TXN: variants seen among roughly 807,000 people sequenced by gnomAD.
TXN encodes thioredoxin, also known as ADF.
TXN carries 10 observed loss-of-function variants against 16.5 expected under a neutral mutation model. The observed-to-expected ratio is 0.61, with a 90% CI of 0.37 to 1.03. The LOEUF is 1.03. TXN is among the 50% of genes least tolerant of loss of function. The pLI is 0.01. For missense variants in TXN, 71 were observed against 122.5 expected, an observed-to-expected ratio of 0.58 and a Z score of 1.98; for synonymous variants, 35 against 39.4, an observed-to-expected ratio of 0.89 and a Z score of 0.42.
chr9:110,254,421 C>T (rs1009711534), intron 1 of TXN, among the ~76,000 whole-genome samples: 24 of 152,196 alleles, frequency 1.6e-4, no homozygotes, highest in African/African-American at 5.8e-4. Context: ...GTGCAGGAGG[C>T]TGAGGCAAGA....
At chr9:110,245,650 A>AT (rs1230575444) in intron 3 of TXN, among the ~76,000 whole-genome samples, 26 of 24,632 alleles carry the variant, frequency 1.1e-3, no homozygotes, top group African/African-American at 3.8e-3. Flanking sequence ...ATATATATAT[A>AT]TATATTTTTT....
Position 110,256,504 on chromosome 9 carries a change from C to T in TXN, c.-69G>A, listed in dbSNP as rs1029517992. ...AATGGATCCAAAGCACCAAACAGAG[C>T]TTCAAGACTCGCTGCTTGCTCTCTC... On this transcript the variant is annotated 5_prime_UTR_variant, in exon 1 of 5. Coordinates refer to ENST00000374517, the MANE Select transcript of TXN (RefSeq NM_003329.4). The surrounding 1 kb of genome is among the most constrained non-coding windows in gnomAD (Gnocchi z 4.2). 2.2e-5 allele frequency: 34 copies of T among 1,524,448 alleles called. No individual in the cohort carries two copies. The highest frequency in any genetic ancestry group is 1.7e-4 in the Middle Eastern group (1 of 5,932). 94.4% of individuals were successfully genotyped at this position (1,524,448 alleles called of 1,614,324 possible).
At chr9:110,245,987 C>T (rs549847976) in intron 3 of TXN, among the ~76,000 whole-genome samples, 2 of 151,974 alleles carry the variant, frequency 1.3e-5, no homozygotes, top group South Asian at 4.1e-4. Context: ...ATTGCTTGAA[C>T]CTGGGAGGCG....
At position 110,256,324 on chromosome 9, in the gene TXN, C is replaced by T; in HGVS notation, c.24+88G>A. 7.1e-7 allele frequency: 1 copy of T among 1,403,470 alleles called. No individual in the cohort carries two copies. The highest frequency in any genetic ancestry group is 9.8e-7 in the Non-Finnish European group (1 of 1,020,622). 86.9% of individuals were successfully genotyped at this position (1,403,470 alleles called of 1,614,324 possible). ...GGGGCGGCCTCCGCACCTCCCGCCA[C>T]CGCCTTCCCCACCTCCCGCCACCGC... On this transcript the variant is annotated intron_variant, in intron 1 of 4. Coordinates refer to ENST00000374517, the MANE Select transcript of TXN (RefSeq NM_003329.4). The surrounding 1 kb of genome is among the most constrained non-coding windows in gnomAD (Gnocchi z 4.2).
intron 3 of TXN, among the ~76,000 whole-genome samples, chr9:110,249,566 G>T (rs1407869262): frequency 6.6e-6 from 1 of 152,142 alleles, no homozygotes; most frequent in Non-Finnish European, 1.5e-5. Flanking sequence ...AAGTGGAGAA[G>T]GGGTGAAGCT....
rs1321342139 is a variant in TXN at position 110,244,064 on chromosome 9, T to C, written c.*93A>G. The C allele has an allele frequency of 3.2e-6, 2 of 621,426 alleles. No individual in the cohort carries two copies. Among genetic ancestry groups the C allele is most frequent in the Non-Finnish European group, 4.9e-6 (2 of 411,772 alleles). The allele number at this position is 621,426 out of a possible 1,614,324, so 38.5% of individuals were successfully genotyped here. A position where few individuals can be genotyped will look rare whatever the true frequency, so the allele number is the denominator to read the frequency against. On this transcript the variant is annotated 3_prime_UTR_variant, in exon 5 of 5. Coordinates refer to ENST00000374517, the MANE Select transcript of TXN (RefSeq NM_003329.4). Reference sequence around the variant, plus strand: ...GTTTTATTGTCACGCAGATGGCAACTGGGTTTATGTCTTCATATTTTATAT... The same window carrying C: ...GTTTTATTGTCACGCAGATGGCAACCGGGTTTATGTCTTCATATTTTATAT...
At position 110,252,502 on chromosome 9, in the gene TXN, T is replaced by C. The variant is rs538670227; in HGVS notation, c.25-1040A>G. On this transcript the variant is annotated intron_variant, in intron 1 of 4. Coordinates refer to ENST00000374517, the MANE Select transcript of TXN (RefSeq NM_003329.4). The stretch of plus-strand genomic sequence containing the variant: ...TCATGAAGGAAATTTTTCATAGATA[T>C]TATTTTTCATAAGGAATGCTTGTTA... Among the ~76,000 whole-genome samples the C allele has an allele frequency of 3.3e-5, 5 of 152,316 alleles. No homozygotes were observed. In the East Asian group the frequency reaches 7.7e-4, roughly 23 times the overall value.
chr9:110,250,667 T>TTAG (rs1253137749), intron 3 of TXN, among the ~76,000 whole-genome samples, 153 bp downstream of exon 3: 2 of 152,224 alleles, frequency 1.3e-5, no homozygotes, highest in Admixed American at 1.3e-4. Context: ...AGGATTAAGC[T>TTAG]CCTAACTTGC....
chr9:110,252,225 A>AAAAAG (rs1837749608), intron 1 of TXN, among the ~76,000 whole-genome samples: 4 of 113,862 alleles, frequency 3.5e-5, no homozygotes, highest in Admixed American at 2.5e-4. Context: ...CTCTGTCGCA[A>AAAAAG]AAAAAAAAAA....
chr9:110,256,121 A>G lies in TXN; in HGVS notation c.24+291T>C, dbSNP rs1271920197. On this transcript the variant is annotated intron_variant, in intron 1 of 4. Transcript: ENST00000374517. The surrounding 1 kb of genome is among the most constrained non-coding windows in gnomAD (Gnocchi z 4.2). ...CCCCGGACGCTCCCCGCGTGCGTGC[A>G]ATCCCCCGAGGAACAGGGTGCGAGA... is the stretch of plus-strand genomic sequence containing the variant. 6.6e-6 allele frequency among the ~76,000 whole-genome samples: 1 copy of G among 152,034 alleles called. No homozygotes were observed. The highest frequency in any genetic ancestry group is 1.5e-5 in the Non-Finnish European group (1 of 67,944).
chr9:110,249,505 C>T lies in TXN; in HGVS notation c.189+1315G>A, dbSNP rs144581467. Among the ~76,000 whole-genome samples the T allele has an allele frequency of 3.5e-4, 53 of 152,176 alleles. No homozygotes were observed. In the Middle Eastern group the frequency reaches 0.017, roughly 49 times the overall value. On this transcript the variant is annotated intron_variant, in intron 3 of 4. Transcript: ENST00000374517. Reference sequence around the variant, plus strand: ...AATGGTAAAGGACAGACATAAAGATCATTATAATAATTGCCAAGATTCACT... The same window carrying T: ...AATGGTAAAGGACAGACATAAAGATTATTATAATAATTGCCAAGATTCACT...
chr9:110,245,602 T>TACACACACAC lies in TXN; in HGVS notation c.190-769_190-760dup, dbSNP rs1554766611. Among the ~76,000 whole-genome samples, 4 of 62,502 alleles carry TACACACACAC rather than the reference T, an allele frequency of 6.4e-5. No individual in the cohort carries two copies. In the East Asian group the frequency reaches 5.9e-3, roughly 92 times the overall value. 41.0% of individuals were successfully genotyped at this position (62,502 alleles called of 152,430 possible). A position where few individuals can be genotyped will look rare whatever the true frequency, so the allele number is the denominator to read the frequency against. On this transcript the variant is annotated intron_variant, in intron 3 of 4. Coordinates refer to ENST00000374517, the MANE Select transcript of TXN (RefSeq NM_003329.4). Reference sequence around the variant, plus strand: ...TTTTGTGTGTGTGTGTGTATATATATACACACACACACACACTATATATAT... The same window carrying TACACACACAC: ...TTTTGTGTGTGTGTGTGTATATATATACACACACACACACACACACACACACTATATATAT...
At chr9:110,250,740 A>T in intron 3 of TXN, 80 bp downstream of exon 3, 1 of 1,089,592 alleles carries the variant, frequency 9.2e-7, no homozygotes, top group Non-Finnish European at 1.4e-6. Context: ...TGACATATTT[A>T]TGGAAAAAAG....
chr9:110,245,571 G>A (rs1163266623), intron 3 of TXN, among the ~76,000 whole-genome samples: 2 of 121,484 alleles, frequency 1.6e-5, no homozygotes, highest in Non-Finnish European at 1.6e-5. Context: ...CACCACACCT[G>A]GCTAATTTTG....
At chr9:110,254,246 C>CGT (rs1488661874) in intron 1 of TXN, among the ~76,000 whole-genome samples, 1 of 152,152 alleles carries the variant, frequency 6.6e-6, no homozygotes, top group Non-Finnish European at 1.5e-5. Context: ...ACAGGCTGGG[C>CGT]GTGGTGGTTC....
chr9:110,250,890 T>A lies in TXN; in HGVS notation c.130-11A>T. On this transcript the variant is annotated splice_polypyrimidine_tract_variant and intron_variant, in intron 2 of 4. Transcript: ENST00000374517. ...CTTTTCAGAGAGGGACTGGAAAATT[T>A]AAAATGAAAAATCCAAAAAGATTTA... 1 of 1,604,730 alleles carries A rather than the reference T, an allele frequency of 6.2e-7. No individual in the cohort carries two copies. The highest frequency in any genetic ancestry group is 8.5e-7 in the Non-Finnish European group (1 of 1,175,660).
rs1837804640 is a variant in TXN at position 110,256,024 on chromosome 9, CG to C, written c.24+387del. ...TTCCATTCCCTCATCTTCCTCCAGT[CG>C]GGGCTGCCCGGACGGGAGGGTGCAG... On this transcript the variant is annotated intron_variant, in intron 1 of 4. Transcript: ENST00000374517. This position sits in a 1 kb window ranked among gnomAD's most constrained non-coding sequence, Gnocchi z 4.2. Among the ~76,000 whole-genome samples the C allele has an allele frequency of 6.6e-6, 1 of 152,300 alleles. No individual in the cohort carries two copies. The highest frequency in any genetic ancestry group is 6.5e-5 in the Admixed American group (1 of 15,312).
intron 1 of TXN, among the ~76,000 whole-genome samples, chr9:110,252,430 T>C (rs1019795273): frequency 1.3e-5 from 2 of 152,126 alleles, no homozygotes; most frequent in African/African-American, 4.8e-5. Flanking sequence ...TTGCCCTTTA[T>C]TTTAAAACTA....
rs368119361 is a variant in TXN at position 110,244,862 on chromosome 9, A to C, written c.190-19T>G. The C allele has an allele frequency of 6.2e-7, 1 of 1,606,066 alleles. No homozygotes were observed. Among genetic ancestry groups the C allele is most frequent in the Non-Finnish European group, 8.5e-7 (1 of 1,173,218 alleles). On this transcript the variant is annotated intron_variant, in intron 3 of 4. Transcript: ENST00000374517. ...CAACATCCTGGTAGGGAAAGTAGCA[A>C]AGGGAGAGGATTAAATACAAGACTG... is the stretch of plus-strand genomic sequence containing the variant.
Sources: gnomAD v4.1 joint callset for allele counts (sites outside exome capture counted in the v4.1 genomes callset) on GRCh38, gnomAD v4.1.1 for gene constraint, Gnocchi (gnomAD v3.1) non-coding constraint, MANE v1.5 for transcripts, NCBI Gene and HGNC (gene_info 2026-07-23, HGNC 2026-07-21) for gene names.